The following EXOC2 variants were observed in gnomAD, a reference collection of about 807,000 sequenced individuals.
EXOC2 encodes exocyst complex component 2, also known as SEC5-like 1.
EXOC2 carries 70 observed loss-of-function variants against 131.8 expected under a neutral mutation model. The ratio of observed to expected loss-of-function variants is 0.53; its 90% CI spans 0.44 to 0.65. The LOEUF (loss-of-function observed/expected upper bound fraction) is 0.65, where lower values mean the gene tolerates loss of function less well. Ranked by LOEUF, EXOC2 falls within the 30% of genes least tolerant of loss-of-function variation. EXOC2 has a pLI of 0.00. For synonymous variants in EXOC2, 411 were observed against 398.4 expected (o/e 1.03, Z -0.38); for missense variants, 923 against 1,108.6 (o/e 0.83, Z 2.38).
intron 11 of EXOC2, among the ~76,000 whole-genome samples, chr6:586,446 A>G (rs944854656): frequency 1.3e-5 from 2 of 152,206 alleles, no homozygotes; most frequent in Non-Finnish European, 2.9e-5. Flanking sequence ...ATTTATTTAC[A>G]TTGCACATAT....
intron 1 of EXOC2, among the ~76,000 whole-genome samples, chr6:664,123 C>G (rs1297220601): frequency 6.6e-6 from 1 of 152,198 alleles, no homozygotes; most frequent in Non-Finnish European, 1.5e-5. Context: ...ATCAGTAGCT[C>G]TTCTCTATAG....
chr6:683,005 C>T (rs1281847378), intron 1 of EXOC2, among the ~76,000 whole-genome samples: 1 of 152,112 alleles, frequency 6.6e-6, no homozygotes, highest in Non-Finnish European at 1.5e-5. Flanking sequence ...AAAGGTACAC[C>T]AGGGCGAGGA....
At chr6:558,884 T>A (rs1205284352) in intron 17 of EXOC2, among the ~76,000 whole-genome samples, 1 of 152,198 alleles carries the variant, frequency 6.6e-6, no homozygotes, top group Non-Finnish European at 1.5e-5. Flanking sequence ...TTTCTTCTAT[T>A]AAAATTTGGA....
intron 1 of EXOC2, among the ~76,000 whole-genome samples, chr6:643,441 T>C (rs956069087): frequency 6.6e-6 from 1 of 152,178 alleles, no homozygotes; most frequent in African/African-American, 2.4e-5. Context: ...TGGAAATTAA[T>C]ACACTTCTAA....
At chr6:501,333 CTA>C (rs1184541773) in intron 23 of EXOC2, among the ~76,000 whole-genome samples, 44 of 280 alleles carry the variant, frequency 0.16, no homozygotes, top group Admixed American at 0.36. Context: ...TTATATATAT[CTA>C]TATATATTAT....
intron 4 of EXOC2, among the ~76,000 whole-genome samples, chr6:625,013 C>G (rs576197047): frequency 6.6e-6 from 1 of 152,334 alleles, no homozygotes; most frequent in East Asian, 1.9e-4. Context: ...GAAATGTTTT[C>G]ATCGAGGAAT....
chr6:606,256 G>A (rs1196547491), intron 7 of EXOC2, among the ~76,000 whole-genome samples: 1 of 152,166 alleles, frequency 6.6e-6, no homozygotes, highest in African/African-American at 2.4e-5. Flanking sequence ...ATCACACACT[G>A]AGGCCCGTCG....
chr6:682,548 T>C (rs1468751087), intron 1 of EXOC2, among the ~76,000 whole-genome samples: 1 of 152,176 alleles, frequency 6.6e-6, no homozygotes, highest in Non-Finnish European at 1.5e-5. Context: ...TACTTAACTA[T>C]AACCATCATT....
chr6:600,837 T>A (rs1225850897), intron 7 of EXOC2, among the ~76,000 whole-genome samples: 4 of 152,222 alleles, frequency 2.6e-5, no homozygotes, highest in Admixed American at 2.6e-4. Context: ...TTGAAAATTT[T>A]ATGTGAATAC....
chr6:582,924 A>G (rs981102563), intron 11 of EXOC2, among the ~76,000 whole-genome samples: 6 of 151,120 alleles, frequency 4.0e-5, no homozygotes, highest in Non-Finnish European at 8.8e-5. Flanking sequence ...CGTGCATTTC[A>G]GTATCATTCA....
rs930096738 is a variant in EXOC2, at chr6:633,111, G to T, written c.125C>A (p.Thr42Asn). 4.3e-6 allele frequency: 7 copies of T among 1,612,624 alleles called. No homozygotes were observed. The African/African-American group carries it at 9.3e-5, about 22-fold the overall frequency. ...GTGPTDLIGL[T>N]ICGHNCLLTA... is the part of the protein sequence containing the mutation. Reference sequence around the variant, plus strand: ...CAGGAGGCAATTATGTCCACAAATGGTCAAGCCTGAAAATAAACGCATGTG... The same window carrying T: ...CAGGAGGCAATTATGTCCACAAATGTTCAAGCCTGAAAATAAACGCATGTG... The change falls in exon 3 of 28, where the codon ACC becomes AAC. Residue 42 changes from threonine (T) to asparagine (N), a missense_variant. Transcript: ENST00000230449.
chr6:510,345 C>T (rs530858165), intron 23 of EXOC2, among the ~76,000 whole-genome samples: 4 of 152,232 alleles, frequency 2.6e-5, no homozygotes, highest in African/African-American at 4.8e-5. Context: ...TGGGTACCTT[C>T]GCCCTCTCCT....
At chr6:624,360 G>C (rs1233378814) in intron 4 of EXOC2, among the ~76,000 whole-genome samples, 1 of 152,206 alleles carries the variant, frequency 6.6e-6, no homozygotes, top group Non-Finnish European at 1.5e-5. Context: ...ATTATGAATG[G>C]ATCACCATAC....
chr6:511,748 AG>A (rs773168088), intron 23 of EXOC2, among the ~76,000 whole-genome samples: 1 of 152,268 alleles, frequency 6.6e-6, no homozygotes, highest in Non-Finnish European at 1.5e-5. Flanking sequence ...CAGCAAGGGC[AG>A]GAACAGTGCC....
chr6:546,553 T>C (rs1396776012), intron 22 of EXOC2, among the ~76,000 whole-genome samples: 1 of 152,184 alleles, frequency 6.6e-6, no homozygotes, highest in Non-Finnish European at 1.5e-5. Flanking sequence ...TACACGCATT[T>C]TCTTCTGCCT....
chr6:580,606 C>T (rs1437270074), intron 11 of EXOC2, among the ~76,000 whole-genome samples: 1 of 151,904 alleles, frequency 6.6e-6, no homozygotes, highest in East Asian at 1.9e-4. Flanking sequence ...CCAAATTGTT[C>T]CCTAAGTTTG....
intron 12 of EXOC2, among the ~76,000 whole-genome samples, chr6:573,169 C>G (rs531234773): frequency 5.1e-4 from 77 of 152,172 alleles, no homozygotes; most frequent in Non-Finnish European, 8.1e-4. Flanking sequence ...CTAAATAACC[C>G]CACCTAAAAT....
At chr6:502,184 T>G (rs1764254641) in intron 23 of EXOC2, among the ~76,000 whole-genome samples, 1 of 152,104 alleles carries the variant, frequency 6.6e-6, no homozygotes, top group African/African-American at 2.4e-5. Flanking sequence ...AGCACAATAG[T>G]AAGCTGCTAT....
At chr6:564,222 T>C in intron 15 of EXOC2, 68 bp from the exon 16 acceptor site, 1 of 1,577,888 alleles carries the variant, frequency 6.3e-7, no homozygotes, top group Non-Finnish European at 8.6e-7. Context: ...AGCATCTCTT[T>C]CACTGTATAA....
Sources: gnomAD v4.1 joint callset for allele counts (sites outside exome capture counted in the v4.1 genomes callset) on GRCh38, gnomAD v4.1.1 for gene constraint, MANE v1.5 for transcripts, NCBI Gene and HGNC (gene_info 2026-07-23, HGNC 2026-07-21) for gene names.